CDK12: variants seen among roughly 807,000 people sequenced by gnomAD.
The protein encoded by CDK12 is cyclin-dependent kinase 12.
CDK12 carries 17 observed loss-of-function variants against 133.8 expected under a neutral mutation model. The ratio of observed to expected loss-of-function variants is 0.13; its 90% confidence interval spans 0.09 to 0.19. The LOEUF is 0.19. CDK12 is among the 10% of genes least tolerant of loss of function. The pLI is 1.00. For missense variants in CDK12, 1,508 were observed against 1,818.7 expected, an observed-to-expected ratio of 0.83 and a Z score of 3.11; for synonymous variants, 694 against 683.6, an observed-to-expected ratio of 1.02 and a Z score of -0.24.
chr17:39,467,853 C>T (rs1567679244), intron 1 of CDK12, among the ~76,000 whole-genome samples: 1 of 151,286 alleles, frequency 6.6e-6, no homozygotes, highest in Non-Finnish European at 1.5e-5. Flanking sequence ...TTCATGTTTG[C>T]GTTGTTGTTT....
rs201228796 is a variant in CDK12, at chr17:39,493,166, G to GTT, written c.2248+291_2248+292dup. On this transcript the variant is annotated intron_variant, in intron 4 of 13. Coordinates refer to ENST00000447079, the MANE Select transcript of CDK12 (RefSeq NM_016507.4). ...GCGCAACCACACTCGACTAATTTTT[G>GTT]TTTTTTTTTTTTTTTTAGTAGAAAC... 0.61 allele frequency among the ~76,000 whole-genome samples: 80,437 copies of GTT among 132,102 alleles called. 26,303 individuals are homozygous for GTT. The highest frequency in any genetic ancestry group is 0.87 in the South Asian group (3,724 of 4,280). The allele number at this position is 132,102 out of a possible 152,430, so 86.7% of individuals were successfully genotyped here. A position where few individuals can be genotyped will look rare whatever the true frequency, so the allele number is the denominator to read the frequency against.
Position 39,462,877 on chromosome 17 carries a change from C to T in CDK12, c.806C>T (p.Thr269Ile). ...TCCTACAAGAAAAGTCCTGGAAGTA[C>T]CTCGAGAAGGCAGTCGGTCAGTCCC... ...YDSYKKSPGSTSRRQSVSPPY... is the reference protein window; with the variant it reads ...YDSYKKSPGSISRRQSVSPPY... The change falls in exon 1 of 14, where the codon ACC becomes ATC. Residue 269 changes from threonine to isoleucine, a missense_variant. Thr to Ile is a moderately conservative substitution (Grantham distance 89). Transcript: ENST00000447079. 1 of 1,614,136 alleles carries T rather than the reference C, an allele frequency of 6.2e-7. No homozygotes were observed. Among genetic ancestry groups the T allele is most frequent in the South Asian group, 1.1e-5 (1 of 91,076 alleles).
rs781482737 is a variant in CDK12, at chr17:39,471,734, C to G, written c.1902C>G (p.Pro634=). 1.9e-6 allele frequency: 3 copies of G among 1,613,382 alleles called. No homozygotes were observed. The South Asian group carries it at 3.3e-5, about 18-fold the overall frequency. Residue 634 remains proline (P), a synonymous_variant, in exon 2 of 14, where the codon CCC becomes CCG. Transcript: ENST00000447079. Reference sequence around the variant, plus strand: ...CGTTGCCTCCTTTGCCCCTCCCACCCTTATTACCTGGAGATGATGACATGG... The same window carrying G: ...CGTTGCCTCCTTTGCCCCTCCCACCGTTATTACCTGGAGATGATGACATGG... ...TSTLPPLPLP[P]LLPGDDDMDS... is the part of the protein sequence containing the mutation.
rs922834980 is a variant in CDK12, at chr17:39,530,801, C to T, written c.3958C>T (p.His1320Tyr). The T allele has an allele frequency of 7.4e-6, 12 of 1,614,060 alleles. No individual in the cohort carries two copies. The highest frequency in any genetic ancestry group is 1.0e-5 in the Non-Finnish European group (12 of 1,180,036). The change falls in exon 14 of 14, where the codon CAC (histidine) becomes TAC (tyrosine). Residue 1320 changes from histidine (H) to tyrosine (Y), a missense_variant. Physicochemically the swap from His to Tyr is moderately conservative, Grantham distance 83. Around this residue, in one of 9 missense-constraint regions of CDK12, gnomAD observed 399 missense variants for 469.6 expected, o/e 0.85. Transcript: ENST00000447079. ...AEPPGHLPHEHQALRPMEYST... is the reference protein window; with the variant it reads ...AEPPGHLPHEYQALRPMEYST... Reference sequence around the variant, plus strand: ...GCCTCCTGGCCACCTGCCACATGAGCACCAGGCCTTGAGACCAATGGAGTA... The same window carrying T: ...GCCTCCTGGCCACCTGCCACATGAGTACCAGGCCTTGAGACCAATGGAGTA...
At chr17:39,467,596 G>T (rs2049441694) in intron 1 of CDK12, among the ~76,000 whole-genome samples, 1 of 151,974 alleles carries the variant, frequency 6.6e-6, no homozygotes, top group Non-Finnish European at 1.5e-5. Flanking sequence ...GAAATTGAAG[G>T]GTTTCTAACA....
At chr17:39,473,451 C>G (rs1409855176) in intron 2 of CDK12, among the ~76,000 whole-genome samples, 1 of 152,004 alleles carries the variant, frequency 6.6e-6, no homozygotes, top group Non-Finnish European at 1.5e-5. Flanking sequence ...AACAAAAATA[C>G]TTCTTTAAGG....
chr17:39,510,559 T>C (rs1231697089), intron 7 of CDK12, among the ~76,000 whole-genome samples: 1 of 151,880 alleles, frequency 6.6e-6, no homozygotes, highest in East Asian at 2.0e-4. Context: ...GTCCCTTGGC[T>C]GGAATAAATA....
chr17:39,499,428 C>G (rs997305833), intron 5 of CDK12, among the ~76,000 whole-genome samples: 6 of 150,962 alleles, frequency 4.0e-5, no homozygotes, highest in African/African-American at 1.5e-4. Context: ...AGGCTTGTCT[C>G]GAACTCCTGA....
In CDK12 at chr17:39,519,942, G is replaced by T. The variant is rs748914964; in HGVS notation, c.2964-14G>T. The T allele has an allele frequency of 1.2e-6, 2 of 1,613,464 alleles. No individual in the cohort carries two copies. Among genetic ancestry groups the T allele is most frequent in the Middle Eastern group, 1.7e-4 (1 of 6,042 alleles). On this transcript the variant is annotated splice_polypyrimidine_tract_variant and intron_variant, in intron 10 of 13. Coordinates refer to ENST00000447079, the MANE Select transcript of CDK12 (RefSeq NM_016507.4). Reference sequence around the variant, plus strand: ...GTCATTGTGAACTTGTCCTTTCTGTGTTCTTTTCCATAGCATTCCTTCTGC... The same window carrying T: ...GTCATTGTGAACTTGTCCTTTCTGTTTTCTTTTCCATAGCATTCCTTCTGC...
At chr17:39,486,253 CTTTTTTTTT>C (rs35710234) in intron 2 of CDK12, among the ~76,000 whole-genome samples, 2 of 86,512 alleles carry the variant, frequency 2.3e-5, no homozygotes, top group African/African-American at 8.6e-5. Context: ...CACCCTGCCT[CTTTTTTTTT>C]TTTTTTTTTT....
chr17:39,524,772 C>T lies in CDK12; in HGVS notation c.3194C>T (p.Thr1065Ile), dbSNP rs1019277243. Residue 1065 changes from threonine (T) to isoleucine (I), a missense_variant, in exon 12 of 14, where the codon ACT becomes ATT. Physicochemically the swap from Thr to Ile is moderately conservative, Grantham distance 89. Coordinates refer to ENST00000447079, the MANE Select transcript of CDK12 (RefSeq NM_016507.4). ...GTCGAAGAGCCACCTCCATCCAAAA[C>T]TTCTCGAAAAGAAACTACCTCAGGG... ...VVVEEPPPSK[T>I]SRKETTSGTS... 4 of 1,614,240 alleles carry T rather than the reference C, an allele frequency of 2.5e-6. No individual in the cohort carries two copies. The highest frequency in any genetic ancestry group is 3.4e-6 in the Non-Finnish European group (4 of 1,180,054).
chr17:39,468,619 G>A (rs1434445197), intron 1 of CDK12, among the ~76,000 whole-genome samples: 1 of 151,800 alleles, frequency 6.6e-6, no homozygotes, highest in Non-Finnish European at 1.5e-5. Flanking sequence ...GGGATTACAG[G>A]CATGCATCAC....
intron 3 of CDK12, among the ~76,000 whole-genome samples, chr17:39,564,541 A>T (rs1399788993): frequency 6.6e-6 from 1 of 151,928 alleles, no homozygotes; most frequent in Non-Finnish European, 1.5e-5. Context: ...GAGGTCTTTG[A>T]CCCCCACCTT....
At chr17:39,512,048 G>A (rs896970967) in intron 8 of CDK12, among the ~76,000 whole-genome samples, 1 of 152,084 alleles carries the variant, frequency 6.6e-6, no homozygotes, top group African/African-American at 2.4e-5. Flanking sequence ...GTATCCTTGT[G>A]ATGATATATA....
intron 2 of CDK12, among the ~76,000 whole-genome samples, chr17:39,482,935 C>G (rs1171345570): frequency 7.4e-6 from 1 of 134,464 alleles, no homozygotes; most frequent in East Asian, 2.1e-4. Flanking sequence ...TTTTTTGAAA[C>G]GGAGTCTCAC....
Position 39,515,699 on chromosome 17 carries a change from C to A in CDK12, c.2769-32C>A, listed in dbSNP as rs757538267. 2.8e-6 allele frequency: 4 copies of A among 1,450,858 alleles called. No individual in the cohort carries two copies. In the South Asian group the frequency reaches 4.7e-5, roughly 17 times the overall value. 89.9% of individuals were successfully genotyped at this position (1,450,858 alleles called of 1,614,324 possible). ...CACTTTAAATAGGCTCTAAGAATTT[C>A]TCTTCTGACCTCTCAATTTTACCTT... On this transcript the variant is annotated intron_variant, in intron 8 of 13. Coordinates refer to ENST00000447079, the MANE Select transcript of CDK12 (RefSeq NM_016507.4).
intron 2 of CDK12, among the ~76,000 whole-genome samples, chr17:39,479,605 G>A (rs1259981732): frequency 1.3e-5 from 2 of 150,750 alleles, no homozygotes; most frequent in Non-Finnish European, 3.0e-5. Context: ...GGATTTGTCT[G>A]TTTTTTTTTG....
chr17:39,548,887 CCTT>C, upstream of CDK12: 1 of 152,446 alleles, frequency 6.6e-6, no homozygotes, highest in Non-Finnish European at 1.5e-5. Context: ...TTCTCCTCCT[CCTT>C]CCTACCCCCA....
chr17:39,509,687 T>C lies in CDK12; in HGVS notation c.2610-18T>C. ...CCACTGCTATGGCTTATGAAAATAA[T>C]TGTTTTTTGTTTTACAGTGGGCAAA... On this transcript the variant is annotated intron_variant, in intron 6 of 13. Transcript: ENST00000447079. 6.2e-7 allele frequency: 1 copy of C among 1,604,174 alleles called. No homozygotes were observed.
Sources: gnomAD v4.1 joint callset for allele counts (sites outside exome capture counted in the v4.1 genomes callset) on GRCh38, gnomAD v4.1.1 for gene constraint, gnomAD v4.1.1 regional missense constraint, MANE v1.5 for transcripts, NCBI Gene and HGNC (gene_info 2026-07-23, HGNC 2026-07-21) for gene names.